ADGRL2: variants seen among roughly 807,000 people sequenced by gnomAD.
The protein encoded by ADGRL2 is adhesion G protein-coupled receptor L2.
Under a neutral mutation model 157.4 loss-of-function variants are expected in ADGRL2, and 44 were observed. The ratio of observed to expected loss-of-function variants is 0.28; its 90% CI spans 0.22 to 0.36. The LOEUF (loss-of-function observed/expected upper bound fraction) is 0.36, where lower values mean the gene tolerates loss of function less well. Ranked by LOEUF, ADGRL2 falls within the 10% of genes least tolerant of loss-of-function variation. The probability of loss-of-function intolerance (pLI) is 1.00; values close to 1 mark genes in which losing one functional copy is unlikely to be tolerated. For missense variants in ADGRL2, 1,510 were observed against 1,768.9 expected, an observed-to-expected ratio of 0.85 and a Z score of 2.63; for synonymous variants, 585 against 624.7, an observed-to-expected ratio of 0.94 and a Z score of 0.95.
chr1:81,343,950 G>T (rs1006721615), intron 1 of ADGRL2, among the ~76,000 whole-genome samples: 5 of 152,078 alleles, frequency 3.3e-5, no homozygotes, highest in Middle Eastern at 3.2e-3. Flanking sequence ...AACAGCTAAG[G>T]TGGCAAATAA....
chr1:81,420,395 T>TTACAA (rs1330227201), intron 1 of ADGRL2, among the ~76,000 whole-genome samples: 1 of 152,164 alleles, frequency 6.6e-6, no homozygotes, highest in Admixed American at 6.5e-5. Context: ...AAAAAAGCCT[T>TTACAA]TACAAATACC....
At chr1:81,377,148 C>T (rs1415852052) in intron 1 of ADGRL2, among the ~76,000 whole-genome samples, 1 of 152,068 alleles carries the variant, frequency 6.6e-6, no homozygotes, top group Non-Finnish European at 1.5e-5. Flanking sequence ...GCACTCCAGC[C>T]TATGTGACAG....
At chr1:81,368,657 T>A (rs1218934428) in intron 1 of ADGRL2, among the ~76,000 whole-genome samples, 3 of 152,210 alleles carry the variant, frequency 2.0e-5, no homozygotes, top group Non-Finnish European at 4.4e-5. Context: ...CAATCCTTAA[T>A]GATTTCAACA....
intron 1 of ADGRL2, among the ~76,000 whole-genome samples, chr1:81,388,262 C>T (rs1344794634): frequency 6.6e-6 from 1 of 152,028 alleles, no homozygotes; most frequent in East Asian, 1.9e-4. Context: ...AGGAGGATTC[C>T]TTGAGGCCTA....
chr1:81,529,500 A>G (rs902878817), intron 2 of ADGRL2, among the ~76,000 whole-genome samples: 3 of 152,378 alleles, frequency 2.0e-5, no homozygotes, highest in Admixed American at 6.5e-5. Flanking sequence ...GGGTGCAATT[A>G]GGTACTTATT....
intron 2 of ADGRL2, among the ~76,000 whole-genome samples, chr1:81,465,777 T>C (rs1233816846): frequency 6.6e-6 from 1 of 152,178 alleles, no homozygotes; most frequent in East Asian, 1.9e-4. Flanking sequence ...GAATAAATGG[T>C]ATACTAATCA....
chr1:81,486,349 C>T (rs2078499987), intron 2 of ADGRL2, among the ~76,000 whole-genome samples: 1 of 152,026 alleles, frequency 6.6e-6, no homozygotes, highest in Non-Finnish European at 1.5e-5. Flanking sequence ...GCACATTGCC[C>T]ACTGCTTGGA....
chr1:81,612,952 A>G (rs1362891976), intron 3 of ADGRL2, among the ~76,000 whole-genome samples: 1 of 152,186 alleles, frequency 6.6e-6, no homozygotes, highest in Non-Finnish European at 1.5e-5. Flanking sequence ...TATTATTAAG[A>G]TTTGTGTACC....
At position 81,329,632 on chromosome 1, in the gene ADGRL2, G is replaced by T. The variant is rs1361085154; in HGVS notation, c.-302+23123G>T. On this transcript the variant is annotated intron_variant, in intron 1 of 24. Coordinates refer to the ADGRL2 transcript ENST00000370721. ...CTGAGCAGCATCATACTTTAGAAAA[G>T]AAAGCTCTAAATATAAAGTACAATT... is the stretch of plus-strand genomic sequence containing the variant. Among the ~76,000 whole-genome samples the T allele has an allele frequency of 2.6e-5, 4 of 152,220 alleles. No individual in the cohort carries two copies. The East Asian group carries it at 7.7e-4, about 29-fold the overall frequency.
intron 2 of ADGRL2, among the ~76,000 whole-genome samples, chr1:81,459,812 G>GCA (rs2077886363): frequency 1.4e-5 from 2 of 144,668 alleles, no homozygotes; most frequent in Admixed American, 6.9e-5. Context: ...GTATGTGTTT[G>GCA]TATATATATA....
At chr1:81,979,021 C>T (rs1310500877) in intron 17 of ADGRL2, among the ~76,000 whole-genome samples, 3 of 151,822 alleles carry the variant, frequency 2.0e-5, no homozygotes, top group East Asian at 3.9e-4. Context: ...GAACTGCCTC[C>T]TCTTCTTCCA....
chr1:81,333,889 G>T (rs1333792604), intron 1 of ADGRL2, among the ~76,000 whole-genome samples: 1 of 152,170 alleles, frequency 6.6e-6, no homozygotes, highest in Non-Finnish European at 1.5e-5. Flanking sequence ...TTGTAGTGGT[G>T]ATGATATTGA....
chr1:81,937,510 T>A (rs554037136), intron 4 of ADGRL2, among the ~76,000 whole-genome samples: 3 of 152,012 alleles, frequency 2.0e-5, no homozygotes, highest in Admixed American at 2.0e-4. Context: ...TTCCTTCTAA[T>A]CTCAGAATTC....
In ADGRL2 at chr1:81,331,670, G is replaced by A. The variant is rs146682249; in HGVS notation, c.-302+25161G>A. Among the ~76,000 whole-genome samples, 142 of 152,160 alleles carry A rather than the reference G, an allele frequency of 9.3e-4. 1 individual carries two copies. In the East Asian group the frequency reaches 0.023, roughly 24 times the overall value. On this transcript the variant is annotated intron_variant, in intron 1 of 24. Transcript: ENST00000370721. ...CCTTTAAGGATTATTGAATTAAGAG[G>A]TACATATATTTGACAAAGTATAGAA...
intron 3 of ADGRL2, among the ~76,000 whole-genome samples, chr1:81,690,319 C>G (rs2083307094): frequency 6.6e-6 from 1 of 152,200 alleles, no homozygotes; most frequent in East Asian, 1.9e-4. Context: ...ATGGCGAAAC[C>G]CCATCTCTAC....
chr1:81,609,772 T>C (rs1030470977), intron 3 of ADGRL2, among the ~76,000 whole-genome samples: 27 of 152,234 alleles, frequency 1.8e-4, no homozygotes, highest in African/African-American at 6.3e-4. Flanking sequence ...GGAAGATTCA[T>C]AGATCAAGCT....
chr1:81,833,341 G>A (rs1037387070), intron 1 of ADGRL2, among the ~76,000 whole-genome samples: 3 of 152,134 alleles, frequency 2.0e-5, no homozygotes, highest in African/African-American at 7.2e-5. Context: ...TGTTATAACT[G>A]TTTTGGGCTT....
At chr1:81,589,450 AAC>A (rs1429005976) in intron 3 of ADGRL2, among the ~76,000 whole-genome samples, 1 of 152,182 alleles carries the variant, frequency 6.6e-6, no homozygotes, top group Non-Finnish European at 1.5e-5. Context: ...TATTAAAAAT[AAC>A]ACATTTGCCA....
chr1:81,474,829 G>A (rs528975882), intron 2 of ADGRL2, among the ~76,000 whole-genome samples: 52 of 151,936 alleles, frequency 3.4e-4, no homozygotes, highest in African/African-American at 1.2e-3. Flanking sequence ...TTCAATTACT[G>A]GTCATTTTGT....
Sources: gnomAD v4.1 joint callset for allele counts (sites outside exome capture counted in the v4.1 genomes callset) on GRCh38, gnomAD v4.1.1 for gene constraint, MANE v1.5 for transcripts, NCBI Gene and HGNC (gene_info 2026-07-23, HGNC 2026-07-21) for gene names.